Variants in MCTP1 observed in about 807,000 individuals in gnomAD.
The protein encoded by MCTP1 is multiple C2 and transmembrane domain-containing protein 1.
Under a neutral mutation model 120.6 loss-of-function variants are expected in MCTP1, and 69 were observed. The ratio of observed to expected loss-of-function variants is 0.57; its 90% CI spans 0.47 to 0.70. The LOEUF (loss-of-function observed/expected upper bound fraction) is 0.70. Ranked by LOEUF, MCTP1 falls within the 30% of genes least tolerant of loss-of-function variation. The pLI, the probability that MCTP1 is intolerant of heterozygous loss-of-function variation, is 0.00. For synonymous variants in MCTP1, 529 were observed against 493.1 expected (o/e 1.07, Z -0.96); for missense variants, 1,203 against 1,248.8 (o/e 0.96, Z 0.55).
At chr5:95,242,089 G>T (rs1756231277) in intron 1 of MCTP1, among the ~76,000 whole-genome samples, 1 of 152,008 alleles carries the variant, frequency 6.6e-6, no homozygotes, top group African/African-American at 2.4e-5. Context: ...CAAATGAAGT[G>T]GTCCTCCTTA....
At chr5:95,193,292 A>G (rs1750025279) in intron 1 of MCTP1, among the ~76,000 whole-genome samples, 1 of 152,104 alleles carries the variant, frequency 6.6e-6, no homozygotes, top group South Asian at 2.1e-4. Context: ...TTTTCACCCA[A>G]AGATAACACA....
intron 1 of MCTP1, among the ~76,000 whole-genome samples, chr5:95,195,811 A>G (rs1043398497): frequency 3.9e-5 from 6 of 152,206 alleles, no homozygotes; most frequent in South Asian, 4.1e-4. Flanking sequence ...TTATATGTAT[A>G]GAAGTAAAAA....
At chr5:95,258,551 A>G (rs981244123) in intron 1 of MCTP1, among the ~76,000 whole-genome samples, 7 of 152,192 alleles carry the variant, frequency 4.6e-5, no homozygotes, top group Non-Finnish European at 8.8e-5. Context: ...ACCTTAATAA[A>G]GTATGGACTT....
At chr5:94,935,880 A>G (rs1404956358) in intron 5 of MCTP1, among the ~76,000 whole-genome samples, 1 of 152,078 alleles carries the variant, frequency 6.6e-6, no homozygotes. Flanking sequence ...GTTTCTGAAT[A>G]ATTTGTGAAA....
chr5:95,049,842 G>T (rs1314715586), intron 1 of MCTP1, among the ~76,000 whole-genome samples: 2 of 152,146 alleles, frequency 1.3e-5, no homozygotes, highest in African/African-American at 4.8e-5. Context: ...AGCCATGGCT[G>T]CCAGTCTAAA....
At chr5:95,171,310 A>G (rs927282726) in intron 1 of MCTP1, among the ~76,000 whole-genome samples, 1 of 152,086 alleles carries the variant, frequency 6.6e-6, no homozygotes, top group Non-Finnish European at 1.5e-5. Flanking sequence ...CCCTTTGTGG[A>G]TAACCCCACC....
At chr5:94,911,934 C>T (rs1418529503) in intron 9 of MCTP1, among the ~76,000 whole-genome samples, 1 of 152,022 alleles carries the variant, frequency 6.6e-6, no homozygotes, top group African/African-American at 2.4e-5. Context: ...AACATATATT[C>T]ATTTAATCTT....
In MCTP1 at chr5:94,953,360, C is replaced by A; in HGVS notation, c.840G>T (p.Gly280=). The A allele has an allele frequency of 6.2e-7, 1 of 1,601,102 alleles. No homozygotes were observed. The highest frequency in any genetic ancestry group is 8.5e-7 in the Non-Finnish European group (1 of 1,172,840). Residue 280 remains glycine (G), a splice_region_variant and synonymous_variant, in exon 3 of 23, where the codon GGG becomes GGT. Coordinates refer to ENST00000515393, the MANE Select transcript of MCTP1 (RefSeq NM_024717.7). ...TAAACTTCACATATGGATCACTCGT[C>A]CCTGTTAAATAGATAGATTGATCCA... ...GQSLAARDRG[G]TSDPYVKFKI...
chr5:95,114,049 C>T lies in MCTP1; in HGVS notation c.721-96565G>A, dbSNP rs1757643319. ...GACATATTCTGGGCCAGAAGAGAAC[C>T]TACAGGCTTGAAGGGAAGGAGCCAG... On this transcript the variant is annotated intron_variant, in intron 1 of 22. Coordinates refer to ENST00000515393, the MANE Select transcript of MCTP1 (RefSeq NM_024717.7). Among the ~76,000 whole-genome samples, 3 of 152,128 alleles carry T rather than the reference C, an allele frequency of 2.0e-5. No homozygotes were observed. The South Asian group carries it at 6.2e-4, about 32-fold the overall frequency.
chr5:94,929,651 A>G, intron 6 of MCTP1: 1 of 984,904 alleles, frequency 1.0e-6, no homozygotes, highest in Non-Finnish European at 1.2e-6. Context: ...AGGAAGCACA[A>G]TTTACCGGAG....
chr5:95,214,745 C>T (rs1400635572), intron 1 of MCTP1, among the ~76,000 whole-genome samples: 2 of 151,930 alleles, frequency 1.3e-5, no homozygotes, highest in Non-Finnish European at 2.9e-5. Context: ...AACCATCATT[C>T]TCAGCAAACT....
In MCTP1 at chr5:95,142,529, C is replaced by T. The variant is rs150482978; in HGVS notation, c.721-125045G>A. ...TCAGTTCCCATAAAACCAAAAATCA[C>T]GATTGTCTTTTCCATCATTATAGTC... is the stretch of plus-strand genomic sequence containing the variant. On this transcript the variant is annotated intron_variant, in intron 1 of 22. Transcript: ENST00000515393. Among the ~76,000 whole-genome samples the T allele has an allele frequency of 1.1e-4, 16 of 152,180 alleles. No individual in the cohort carries two copies. In the East Asian group the frequency reaches 1.5e-3, roughly 15 times the overall value.
At chr5:94,833,716 A>G (rs190194941) in intron 17 of MCTP1, among the ~76,000 whole-genome samples, 1 of 152,310 alleles carries the variant, frequency 6.6e-6, no homozygotes, top group Non-Finnish European at 1.5e-5. Flanking sequence ...TTTCTGTTAA[A>G]TGTATTAATA....
At chr5:94,861,990 T>C (rs572094702) in intron 17 of MCTP1, among the ~76,000 whole-genome samples, 69 of 151,914 alleles carry the variant, frequency 4.5e-4, no homozygotes, top group Middle Eastern at 3.4e-3. Flanking sequence ...GATAGCACCA[T>C]TGAGGCACAT....
intron 19 of MCTP1, among the ~76,000 whole-genome samples, chr5:94,767,892 T>C (rs1561601055): frequency 6.6e-6 from 1 of 152,002 alleles, no homozygotes; most frequent in Admixed American, 6.5e-5. Context: ...TTCTGAGAAA[T>C]AGAAAAAACA....
chr5:95,236,326 T>A (rs1375341213), intron 1 of MCTP1, among the ~76,000 whole-genome samples: 1 of 152,264 alleles, frequency 6.6e-6, no homozygotes, highest in Non-Finnish European at 1.5e-5. Flanking sequence ...AGATAGGGAA[T>A]ATATATGCAC....
intron 17 of MCTP1, among the ~76,000 whole-genome samples, chr5:94,829,280 G>A (rs1477396608): frequency 6.6e-6 from 1 of 152,098 alleles, no homozygotes; most frequent in African/African-American, 2.4e-5. Context: ...GCTTCAGCTC[G>A]CCCTCTGTGG....
chr5:95,205,068 C>G (rs1002130491), intron 1 of MCTP1, among the ~76,000 whole-genome samples: 2 of 152,050 alleles, frequency 1.3e-5, no homozygotes, highest in Non-Finnish European at 1.5e-5. Flanking sequence ...AGTACTCACA[C>G]TTCATAATTT....
chr5:94,947,573 T>TAG (rs1819310170), intron 3 of MCTP1, among the ~76,000 whole-genome samples: 1 of 47,042 alleles, frequency 2.1e-5, no homozygotes, highest in Non-Finnish European at 4.0e-5. Context: ...TATATATATA[T>TAG]ATATAGAGAG....
Sources: gnomAD v4.1 joint callset for allele counts (sites outside exome capture counted in the v4.1 genomes callset) on GRCh38, gnomAD v4.1.1 for gene constraint, MANE v1.5 for transcripts, NCBI Gene and HGNC (gene_info 2026-07-23, HGNC 2026-07-21) for gene names.